MTO1: variants seen among roughly 807,000 people sequenced by gnomAD.
The protein encoded by MTO1 is 5-taurinomethyluridine-[tRNA] synthase subunit MTO1, mitochondrial.
Under a neutral mutation model 71.6 loss-of-function variants are expected in MTO1, and 46 were observed. That is an observed-to-expected ratio of 0.64 (90% CI 0.51 to 0.82). The LOEUF (loss-of-function observed/expected upper bound fraction) is 0.82, where lower values mean the gene tolerates loss of function less well. Ranked by LOEUF, MTO1 falls within the 40% of genes least tolerant of loss-of-function variation. The pLI is 0.00. For synonymous variants in MTO1, 297 were observed against 312.1 expected (o/e 0.95, Z 0.51); for missense variants, 773 against 867.5 (o/e 0.89, Z 1.37).
chr6:73,468,389 G>C (rs928539072), intron 3 of MTO1, among the ~76,000 whole-genome samples: 2 of 151,928 alleles, frequency 1.3e-5, no homozygotes, highest in Non-Finnish European at 2.9e-5. Context: ...AAAATGCTGG[G>C]ATTACAGGCA....
At chr6:73,463,521 T>C (rs1293046540) in intron 1 of MTO1, among the ~76,000 whole-genome samples, 1 of 152,154 alleles carries the variant, frequency 6.6e-6, no homozygotes, top group Non-Finnish European at 1.5e-5. Context: ...TTCCTTTTGC[T>C]TAGGAGCGAG....
chr6:73,465,844 C>T (rs1437714187), intron 1 of MTO1, among the ~76,000 whole-genome samples: 2 of 152,026 alleles, frequency 1.3e-5, no homozygotes, highest in Non-Finnish European at 2.9e-5. Flanking sequence ...ATTAGCCAGG[C>T]GTGGTGCCGG....
At chr6:73,465,443 C>T (rs112697528) in intron 1 of MTO1, among the ~76,000 whole-genome samples, 5,286 of 152,050 alleles carry the variant, frequency 0.035, 296 homozygotes, top group African/African-American at 0.12. Flanking sequence ...GGATTACAGG[C>T]GTGAGCCACC....
chr6:73,479,680 G>C lies in MTO1; in HGVS notation c.826-52G>C, dbSNP rs932132994. ...TCATGTGGAATTTATTTGGATAAGA[G>C]AGAAACTAGTAGATAAGCAAATCAG... is the stretch of plus-strand genomic sequence containing the variant. On this transcript the variant is annotated intron_variant, in intron 4 of 11. Coordinates refer to ENST00000498286, the MANE Select transcript of MTO1 (RefSeq NM_012123.4). 2.1e-6 allele frequency: 3 copies of C among 1,424,850 alleles called. No homozygotes were observed. In the African/African-American group the frequency reaches 4.3e-5, roughly 20 times the overall value. 88.3% of individuals were successfully genotyped at this position (1,424,850 alleles called of 1,614,324 possible). A position where few individuals can be genotyped will look rare whatever the true frequency, so the allele number is the denominator to read the frequency against.
At chr6:73,465,410 C>T (rs1770955514) in intron 1 of MTO1, among the ~76,000 whole-genome samples, 1 of 152,034 alleles carries the variant, frequency 6.6e-6, no homozygotes, top group African/African-American at 2.4e-5. Flanking sequence ...GCAATCCACC[C>T]TCTTTGGCCT....
Position 73,488,469 on chromosome 6 carries a change from G to A in MTO1, c.1638-3765G>A, listed in dbSNP as rs141843015. ...ATTACAGACGTAGTCACCATGCCTCGCCAGATTTTTTTATTGTTGAATTGT... is the reference window on the plus strand; with the variant it reads ...ATTACAGACGTAGTCACCATGCCTCACCAGATTTTTTTATTGTTGAATTGT... On this transcript the variant is annotated intron_variant, in intron 9 of 11. Transcript: ENST00000498286. Among the ~76,000 whole-genome samples the A allele has an allele frequency of 3.8e-3, 579 of 152,120 alleles. 1 individual carries two copies. Among genetic ancestry groups the A allele is most frequent in the Non-Finnish European group, 5.4e-3 (368 of 67,990 alleles).
chr6:73,478,131 C>T (rs1771383420), intron 4 of MTO1, among the ~76,000 whole-genome samples: 1 of 151,976 alleles, frequency 6.6e-6, no homozygotes, highest in South Asian at 2.1e-4. Flanking sequence ...CCCCTGTAGT[C>T]CCAGCTACTT....
chr6:73,486,322 A>G (rs1477664291), intron 9 of MTO1, among the ~76,000 whole-genome samples: 1 of 152,164 alleles, frequency 6.6e-6, no homozygotes, highest in African/African-American at 2.4e-5. Flanking sequence ...ATAGATCTCC[A>G]GGACTTTTTC....
chr6:73,482,352 A>C, intron 8 of MTO1, 97 bp from the exon 9 acceptor site: 2 of 1,545,156 alleles, frequency 1.3e-6, no homozygotes, highest in East Asian at 4.5e-5. Flanking sequence ...CCAGGAGTTT[A>C]GGACTAGCCT....
chr6:73,470,795 A>G (rs1469792888), intron 3 of MTO1, among the ~76,000 whole-genome samples: 5 of 152,166 alleles, frequency 3.3e-5, no homozygotes, highest in Non-Finnish European at 7.3e-5. Flanking sequence ...TCTACTAAAA[A>G]TACAAAAATT....
chr6:73,475,437 C>T (rs1771284706), intron 4 of MTO1, among the ~76,000 whole-genome samples: 1 of 152,008 alleles, frequency 6.6e-6, no homozygotes, highest in South Asian at 2.1e-4. Context: ...TGCCCGCCGC[C>T]ATGCCCAGCT....
chr6:73,482,171 C>T lies in MTO1; in HGVS notation c.1392C>T (p.Arg464=). Residue 464 remains arginine, a synonymous_variant, in exon 8 of 12, where the codon CGC becomes CGT. Coordinates refer to ENST00000498286, the MANE Select transcript of MTO1 (RefSeq NM_012123.4). ...LTTLGTSEPY[R]MFTSRVEFRL... is the part of the protein sequence containing the mutation. ...CTCTGGGCACCAGTGAACCATACCG[C>T]ATGTTTACCAGCCGAGTAGAGTTCC... is the stretch of plus-strand genomic sequence containing the variant. The T allele has an allele frequency of 1.2e-6, 2 of 1,614,180 alleles. No individual in the cohort carries two copies. The highest frequency in any genetic ancestry group is 1.7e-6 in the Non-Finnish European group (2 of 1,180,036).
At chr6:73,484,412 G>A (rs1473775807) in intron 9 of MTO1, among the ~76,000 whole-genome samples, 3 of 152,100 alleles carry the variant, frequency 2.0e-5, no homozygotes, top group East Asian at 1.9e-4. Context: ...GTGCCTTCTT[G>A]CTGTGTTCTC....
chr6:73,480,594 T>C (rs774102792), intron 6 of MTO1, 81 bp from the exon 7 acceptor site: 1 of 1,536,680 alleles, frequency 6.5e-7, no homozygotes, highest in African/African-American at 1.4e-5. Context: ...TTAAAGGGCA[T>C]TTAAGGGTAA....
At position 73,506,942 on chromosome 6, in the gene MTO1, G is replaced by A; in HGVS notation, c.*6207G>A. ...GACCTCAGGTGATCCACCCACCTTG[G>A]CTTCCCAAAGTGGGTGGATGACCTC... On this transcript the variant is annotated 3_prime_UTR_variant, in exon 12 of 12. Coordinates refer to ENST00000498286, the MANE Select transcript of MTO1 (RefSeq NM_012123.4). The A allele has an allele frequency of 6.7e-6, 1 of 148,580 alleles. No homozygotes were observed. The highest frequency in any genetic ancestry group is 1.5e-5 in the Non-Finnish European group (1 of 67,246). 9.2% of individuals were successfully genotyped at this position (148,580 alleles called of 1,614,324 possible).
intron 1 of MTO1, chr6:73,462,298 C>G: frequency 3.4e-6 from 2 of 586,406 alleles, no homozygotes; most frequent in Non-Finnish European, 6.0e-6. Flanking sequence ...TGACAGTCGT[C>G]CGTTGTAGGA....
chr6:73,466,686 A>G (rs78491003), intron 3 of MTO1, 80 bp downstream of exon 3: 1 of 1,254,706 alleles, frequency 8.0e-7, no homozygotes, highest in Non-Finnish European at 1.2e-6. Context: ...CAAAGTGTGG[A>G]GATATGTTGC....
rs1772170280 is a variant in MTO1, at chr6:73,501,876, G to C, written c.*1141G>C. 1 of 152,136 alleles carries C rather than the reference G, an allele frequency of 6.6e-6. No individual in the cohort carries two copies. Among genetic ancestry groups the C allele is most frequent in the African/African-American group, 2.4e-5 (1 of 41,416 alleles). 9.4% of individuals were successfully genotyped at this position (152,136 alleles called of 1,614,324 possible). A position where few individuals can be genotyped will look rare whatever the true frequency, so the allele number is the denominator to read the frequency against. On this transcript the variant is annotated 3_prime_UTR_variant, in exon 12 of 12. Transcript: ENST00000498286. Reference sequence around the variant, plus strand: ...TGTTAAGCCTGATTATGGGTGTGAGGCAACCAAGTATCTTGTTACTATAAT... The same window carrying C: ...TGTTAAGCCTGATTATGGGTGTGAGCCAACCAAGTATCTTGTTACTATAAT...
Position 73,505,470 on chromosome 6 carries a change from A to C in MTO1, c.*4735A>C, listed in dbSNP as rs1772260306. 6.6e-6 allele frequency: 1 copy of C among 152,262 alleles called. No individual in the cohort carries two copies. The highest frequency in any genetic ancestry group is 1.5e-5 in the Non-Finnish European group (1 of 68,064). The allele number at this position is 152,262 out of a possible 1,614,324, so 9.4% of individuals were successfully genotyped here. A position where few individuals can be genotyped will look rare whatever the true frequency, so the allele number is the denominator to read the frequency against. On this transcript the variant is annotated 3_prime_UTR_variant, in exon 12 of 12. Transcript: ENST00000498286. ...CTGGAGCACTCAAATTCATAGAGACAGTAAAATGATGGTTACCAGGGGATG... is the reference window on the plus strand; with the variant it reads ...CTGGAGCACTCAAATTCATAGAGACCGTAAAATGATGGTTACCAGGGGATG...
Sources: allele counts gnomAD v4.1 joint callset (sites outside exome capture counted in the v4.1 genomes callset), GRCh38; gene constraint gnomAD v4.1.1; transcripts MANE v1.5; gene names NCBI Gene and HGNC (gene_info 2026-07-23, HGNC 2026-07-21).